PHACTR1: variants seen among roughly 807,000 people sequenced by gnomAD.
The protein encoded by PHACTR1 is phosphatase and actin regulator 1.
A neutral mutation model predicts 69.2 loss-of-function variants in PHACTR1; 16 were observed. The ratio of observed to expected loss-of-function variants is 0.23; its 90% CI spans 0.16 to 0.35. PHACTR1 has a LOEUF of 0.35. Among genes scored for constraint, PHACTR1 ranks in the 10% least tolerant of loss-of-function variants. The pLI is 1.00. For missense variants in PHACTR1, 510 were observed against 734.7 expected, an observed-to-expected ratio of 0.69 and a Z score of 3.54; for synonymous variants, 312 against 284.5, an observed-to-expected ratio of 1.10 and a Z score of -0.97.
chr6:13,136,962 T>A (rs1821662159), intron 5 of PHACTR1, among the ~76,000 whole-genome samples: 1 of 152,200 alleles, frequency 6.6e-6, no homozygotes, highest in Non-Finnish European at 1.5e-5. Flanking sequence ...TGATGAAAAG[T>A]GTGAAAAATT....
At chr6:13,123,988 A>G (rs751837746) in intron 5 of PHACTR1, among the ~76,000 whole-genome samples, 12 of 152,212 alleles carry the variant, frequency 7.9e-5, no homozygotes, top group Non-Finnish European at 1.5e-4. Flanking sequence ...GGAGCTTGCT[A>G]TCTTAGCTGG....
chr6:13,257,896 C>T (rs1232382), intron 10 of PHACTR1, among the ~76,000 whole-genome samples: 5,837 of 152,216 alleles, frequency 0.038, 354 homozygotes, highest in African/African-American at 0.13. Context: ...CTGTGCCCCA[C>T]TCTCAGACCT....
At chr6:12,765,577 T>C (rs1329722911) in intron 4 of PHACTR1, among the ~76,000 whole-genome samples, 1 of 152,206 alleles carries the variant, frequency 6.6e-6, no homozygotes, top group East Asian at 1.9e-4. Context: ...CCTTGATTTA[T>C]TCTGGCAATT....
At chr6:13,024,875 C>G (rs1270752645) in intron 4 of PHACTR1, among the ~76,000 whole-genome samples, 1 of 152,164 alleles carries the variant, frequency 6.6e-6, no homozygotes, top group Admixed American at 6.6e-5. Flanking sequence ...AATATCAATG[C>G]AGATTCCTGT....
chr6:13,058,858 C>T (rs9473355), intron 5 of PHACTR1, among the ~76,000 whole-genome samples: 3,520 of 152,122 alleles, frequency 0.023, 137 homozygotes, highest in African/African-American at 0.079. Context: ...GAGTGTCGTG[C>T]GGGTTGAGGC....
chr6:12,811,613 CTT>C (rs139773315), intron 4 of PHACTR1, among the ~76,000 whole-genome samples: 1,716 of 152,276 alleles, frequency 0.011, 36 homozygotes, highest in African/African-American at 0.04. Flanking sequence ...ACTTTCTATT[CTT>C]ATCTTGACCA....
chr6:12,755,241 C>T (rs749761907), intron 4 of PHACTR1, among the ~76,000 whole-genome samples: 1 of 152,066 alleles, frequency 6.6e-6, no homozygotes, highest in Non-Finnish European at 1.5e-5. Flanking sequence ...CCCACAGAGG[C>T]GTGTTTTATA....
chr6:13,111,717 G>A (rs1161816086), intron 5 of PHACTR1, among the ~76,000 whole-genome samples: 1 of 152,134 alleles, frequency 6.6e-6, no homozygotes, highest in East Asian at 1.9e-4. Flanking sequence ...TCACATCGCT[G>A]TGCCTGTGAT....
chr6:12,862,227 G>A (rs1255532115), intron 4 of PHACTR1, among the ~76,000 whole-genome samples: 1 of 152,192 alleles, frequency 6.6e-6, no homozygotes, highest in East Asian at 1.9e-4. Flanking sequence ...GAAAACACCA[G>A]TATCGGGGTA....
intron 5 of PHACTR1, among the ~76,000 whole-genome samples, chr6:13,112,259 T>C (rs1817166542): frequency 6.6e-6 from 1 of 152,220 alleles, no homozygotes; most frequent in Admixed American, 6.5e-5. Context: ...GTACCACATG[T>C]TTTTTATCCA....
chr6:13,279,744 G>A (rs1779739136), intron 12 of PHACTR1: 1 of 152,226 alleles, frequency 6.6e-6, no homozygotes, highest in Non-Finnish European at 1.5e-5. Flanking sequence ...ACCCGTCAAG[G>A]TTGGACCCTT....
At chr6:13,125,257 G>A (rs1486873542) in intron 5 of PHACTR1, among the ~76,000 whole-genome samples, 1 of 152,226 alleles carries the variant, frequency 6.6e-6, no homozygotes, top group Admixed American at 6.5e-5. Context: ...GGCAGTCTTA[G>A]ATGGTTTTAG....
chr6:13,084,072 C>A (rs1192094119), intron 5 of PHACTR1, among the ~76,000 whole-genome samples: 1 of 151,940 alleles, frequency 6.6e-6, no homozygotes. Context: ...GACACATGCA[C>A]GTGTATGTTT....
At chr6:13,230,430 C>A in intron 10 of PHACTR1, 1 of 885,532 alleles carries the variant, frequency 1.1e-6, no homozygotes, top group Non-Finnish European at 1.5e-6. Flanking sequence ...CCTGTAGTCC[C>A]AGCTACTCGG....
At chr6:12,870,332 CTTCTTTTTT>C (rs1274589074) in intron 4 of PHACTR1, among the ~76,000 whole-genome samples, 2 of 151,616 alleles carry the variant, frequency 1.3e-5, no homozygotes, top group East Asian at 3.9e-4. Context: ...TTTTCTTTTT[CTTCTTTTTT>C]TAGACTATTG....
chr6:13,280,766 C>A, intron 12 of PHACTR1: 1 of 364,924 alleles, frequency 2.7e-6, no homozygotes, highest in South Asian at 2.1e-5. Flanking sequence ...CGCCTGTAAT[C>A]CCAGCACTTT....
At chr6:13,165,055 A>T (rs1759591231) in intron 6 of PHACTR1, among the ~76,000 whole-genome samples, 1 of 152,216 alleles carries the variant, frequency 6.6e-6, no homozygotes, top group Admixed American at 6.5e-5. Flanking sequence ...ATCTCTAGAT[A>T]TATTGAGGCC....
chr6:12,814,341 G>A (rs115026013), intron 4 of PHACTR1, among the ~76,000 whole-genome samples: 2 of 152,178 alleles, frequency 1.3e-5, no homozygotes, highest in Non-Finnish European at 2.9e-5. Context: ...TCAATGTCCC[G>A]ATCTTCATTA....
intron 4 of PHACTR1, among the ~76,000 whole-genome samples, chr6:12,832,402 A>G (rs1363487028): frequency 6.6e-6 from 1 of 152,160 alleles, no homozygotes; most frequent in Non-Finnish European, 1.5e-5. Context: ...CATATTTGTC[A>G]CACAGTAGCA....
Sources: gnomAD v4.1 joint callset for allele counts (sites outside exome capture counted in the v4.1 genomes callset) on GRCh38, gnomAD v4.1.1 for gene constraint, MANE v1.5 for transcripts, NCBI Gene and HGNC (gene_info 2026-07-23, HGNC 2026-07-21) for gene names.